The following IBA57 variants were observed in gnomAD, a reference collection of about 807,000 sequenced individuals.
The protein encoded by IBA57 is iron-sulfur cluster assembly factor IBA57, mitochondrial.
Under a neutral mutation model 20.4 loss-of-function variants are expected in IBA57, and 20 were observed. The ratio of observed to expected loss-of-function variants is 0.98; its 90% CI spans 0.69 to 1.42. The LOEUF (loss-of-function observed/expected upper bound fraction) is 1.42. Among genes scored for constraint, IBA57 ranks in the 40% most tolerant of loss-of-function variants. The pLI, the probability that IBA57 is intolerant of heterozygous loss-of-function variation, is 0.00. For missense variants in IBA57, 608 were observed against 499.3 expected, an observed-to-expected ratio of 1.22 and a Z score of -2.07; for synonymous variants, 310 against 233.9, an observed-to-expected ratio of 1.33 and a Z score of -2.97.
rs1490945906 is a variant in IBA57 at position 228,177,453 on chromosome 1, G to A, written c.*1940G>A. 6.7e-6 allele frequency: 1 copy of A among 148,494 alleles called. No homozygotes were observed. The highest frequency in any genetic ancestry group is 1.5e-5 in the Non-Finnish European group (1 of 67,382). 9.2% of individuals were successfully genotyped at this position (148,494 alleles called of 1,614,324 possible). A position where few individuals can be genotyped will look rare whatever the true frequency, so the allele number is the denominator to read the frequency against. On this transcript the variant is annotated 3_prime_UTR_variant, in exon 3 of 3. Transcript: ENST00000366711. ...TCAGGATCTCAAAATACTTGGTTCA[G>A]ATCAAACACATTTCGTGTTCTTCTG...
At chr1:228,167,890 C>T (rs1169527164) in intron 1 of IBA57, among the ~76,000 whole-genome samples, 1 of 152,206 alleles carries the variant, frequency 6.6e-6, no homozygotes, top group Non-Finnish European at 1.5e-5. Context: ...TTCTCTGGAG[C>T]CTTCTATGTT....
rs1264629357 is a variant in IBA57 at position 228,181,062 on chromosome 1, CAG to C, written c.*5550_*5551del. 2.8e-4 allele frequency: 42 copies of C among 152,126 alleles called. 1 individual carries two copies. The highest frequency in any genetic ancestry group is 2.7e-3 in the Admixed American group (41 of 15,266). 9.4% of individuals were successfully genotyped at this position (152,126 alleles called of 1,614,324 possible). A position where few individuals can be genotyped will look rare whatever the true frequency, so the allele number is the denominator to read the frequency against. On this transcript the variant is annotated 3_prime_UTR_variant, in exon 3 of 3. Coordinates refer to ENST00000366711, the MANE Select transcript of IBA57 (RefSeq NM_001010867.4). ...TGTTGAAATTGAATTGCCATTCTAACAGTGTTAAGAGATGGGGCCTGTAAGAG... is the reference window on the plus strand; with the variant it reads ...TGTTGAAATTGAATTGCCATTCTAACTGTTAAGAGATGGGGCCTGTAAGAG...
rs1286410438 is a variant in IBA57, at chr1:228,174,934, G to C, written c.584G>C (p.Gly195Ala). The change falls in exon 2 of 3, where the codon GGG becomes GCG. Residue 195 changes from glycine to alanine, a missense_variant. Physicochemically the swap from Gly to Ala is moderately conservative, Grantham distance 60 (BLOSUM62 0). Coordinates refer to ENST00000366711, the MANE Select transcript of IBA57 (RefSeq NM_001010867.4). ...LIRDPRTARM[G>A]WRLLTQDEGP... ...CGCGACCCGCGAACAGCACGCATGGGGTGGCGGCTCCTCACCCAGGATGAA... is the reference window on the plus strand; with the variant it reads ...CGCGACCCGCGAACAGCACGCATGGCGTGGCGGCTCCTCACCCAGGATGAA... The C allele has an allele frequency of 1.3e-6, 2 of 1,582,520 alleles. No individual in the cohort carries two copies. Among genetic ancestry groups the C allele is most frequent in the Non-Finnish European group, 1.7e-6 (2 of 1,161,472 alleles).
chr1:228,166,197 AG>A, intron 1 of IBA57, 40 bp downstream of exon 1: 2 of 1,086,586 alleles, frequency 1.8e-6, no homozygotes, highest in Non-Finnish European at 2.3e-6. Context: ...GCGGGCACCC[AG>A]GGGAGTGGCC....
chr1:228,174,870 T>A lies in IBA57; in HGVS notation c.520T>A (p.Ser174Thr). 3.1e-6 allele frequency: 5 copies of A among 1,609,794 alleles called. No individual in the cohort carries two copies. The highest frequency in any genetic ancestry group is 3.4e-6 in the Non-Finnish European group (4 of 1,179,138). ...PSSPEACGAA[S>T]LQERAGAAAI... ...TTCCCCTGAGGCCTGCGGGGCTGCA[T>A]CGCTGCAGGAGAGGGCAGGGGCTGC... is the stretch of plus-strand genomic sequence containing the variant. The change falls in exon 2 of 3, where the codon TCG becomes ACG. Residue 174 changes from serine (S) to threonine (T), a missense_variant. Transcript: ENST00000366711.
chr1:228,169,995 T>G (rs2034900971), intron 1 of IBA57, among the ~76,000 whole-genome samples: 1 of 151,928 alleles, frequency 6.6e-6, no homozygotes, highest in East Asian at 1.9e-4. Flanking sequence ...GCCTCCTGAG[T>G]AGCTGGGATT....
chr1:228,175,553 G>T lies in IBA57; in HGVS notation c.*40G>T. On this transcript the variant is annotated 3_prime_UTR_variant, in exon 3 of 3. Coordinates refer to ENST00000366711, the MANE Select transcript of IBA57 (RefSeq NM_001010867.4). ...TGGCGCAGGCTGATGGGGAGGCTGG[G>T]GCCTGGGGCCTTTGGCCTCTGTCCA... The T allele has an allele frequency of 1.3e-6, 2 of 1,520,984 alleles. No homozygotes were observed. Among genetic ancestry groups the T allele is most frequent in the Non-Finnish European group, 1.8e-6 (2 of 1,135,542 alleles). 94.2% of individuals were successfully genotyped at this position (1,520,984 alleles called of 1,614,324 possible).
rs1313192757 is a variant in IBA57 at position 228,177,708 on chromosome 1, C to T, written c.*2195C>T. 4 of 152,120 alleles carry T rather than the reference C, an allele frequency of 2.6e-5. No individual in the cohort carries two copies. The East Asian group carries it at 7.7e-4, about 29-fold the overall frequency. 9.4% of individuals were successfully genotyped at this position (152,120 alleles called of 1,614,324 possible). On this transcript the variant is annotated 3_prime_UTR_variant, in exon 3 of 3. Coordinates refer to ENST00000366711, the MANE Select transcript of IBA57 (RefSeq NM_001010867.4). ...TTTACCATGTTGGCCAGGATGGTCT[C>T]AATTACAGGCATGAGCCACTGTGCC...
Position 228,174,892 on chromosome 1 carries a change from CT to C in IBA57, c.543del (p.Ala182ProfsTer69). Reference protein sequence around the residue: ...GAASLQERAGAAAILIRDPRT... With the variant: ...GAASLQERAGXAAILIRDPRT... ...GCATCGCTGCAGGAGAGGGCAGGGG[CT>C]GCCGCCATCCTCATCCGCGACCCGC... is the stretch of plus-strand genomic sequence containing the variant. On this transcript the variant is annotated frameshift_variant, in exon 2 of 3. Transcript: ENST00000366711. LOFTEE classifies it high-confidence loss of function. The C allele has an allele frequency of 6.2e-7, 1 of 1,604,970 alleles. No individual in the cohort carries two copies. The highest frequency in any genetic ancestry group is 8.5e-7 in the Non-Finnish European group (1 of 1,176,176).
rs1284757222 is a variant in IBA57 at position 228,180,996 on chromosome 1, A to G, written c.*5483A>G. 1 of 151,960 alleles carries G rather than the reference A, an allele frequency of 6.6e-6. No homozygotes were observed. The highest frequency in any genetic ancestry group is 2.4e-5 in the African/African-American group (1 of 41,360). The allele number at this position is 151,960 out of a possible 1,614,324, so 9.4% of individuals were successfully genotyped here. On this transcript the variant is annotated 3_prime_UTR_variant, in exon 3 of 3. Coordinates refer to ENST00000366711, the MANE Select transcript of IBA57 (RefSeq NM_001010867.4). ...ATGCTGGTCTTCAACTCTTGTCCCCAAGTAGCTGGGATTGGGGCATGAGGC... is the reference window on the plus strand; with the variant it reads ...ATGCTGGTCTTCAACTCTTGTCCCCGAGTAGCTGGGATTGGGGCATGAGGC...
intron 1 of IBA57, among the ~76,000 whole-genome samples, chr1:228,168,168 A>T (rs1425253147): frequency 1.3e-5 from 2 of 152,176 alleles, no homozygotes; most frequent in African/African-American, 2.4e-5. Flanking sequence ...CCTACTCAAC[A>T]TGGAGACCAT....
chr1:228,168,161 A>G (rs2034877738), intron 1 of IBA57, among the ~76,000 whole-genome samples: 1 of 151,982 alleles, frequency 6.6e-6, no homozygotes, highest in Non-Finnish European at 1.5e-5. Context: ...TCCTCAGCCT[A>G]CTCAACATGG....
Position 228,167,203 on chromosome 1 carries a change from C to T in IBA57, c.341+1046C>T, listed in dbSNP as rs376950121. The stretch of plus-strand genomic sequence containing the variant: ...GATGTGTCTTAGTTTGGGCTTTTTC[C>T]ATATCACATCTCTGGGCACTTAGTG... On this transcript the variant is annotated intron_variant, in intron 1 of 2. Coordinates refer to ENST00000366711, the MANE Select transcript of IBA57 (RefSeq NM_001010867.4). Among the ~76,000 whole-genome samples the T allele has an allele frequency of 5.5e-4, 83 of 152,242 alleles. 1 individual carries two copies. The South Asian group carries it at 0.017, about 30-fold the overall frequency.
At chr1:228,173,399 G>GGCC (rs1553264435) in intron 1 of IBA57, 2 of 39,074 alleles carry the variant, frequency 5.1e-5, no homozygotes, top group Non-Finnish European at 5.8e-5. Context: ...TCCACTTAGT[G>GGCC]CCCCCCCCCC....
rs1553264340 is a variant in IBA57 at position 228,172,096 on chromosome 1, GTTT to G, written c.342-2592_342-2590del. On this transcript the variant is annotated intron_variant, in intron 1 of 2. Coordinates refer to ENST00000366711, the MANE Select transcript of IBA57 (RefSeq NM_001010867.4). ...TTTTTTTTTTGTTGTTGTTGTTGTT[GTTT>G]TTTCACTTCTTATTTTGAAATAATT... is the stretch of plus-strand genomic sequence containing the variant. 5 of 105,558 alleles carry G rather than the reference GTTT, an allele frequency of 4.7e-5. No homozygotes were observed. In the East Asian group the frequency reaches 1.3e-3, roughly 27 times the overall value. 6.5% of individuals were successfully genotyped at this position (105,558 alleles called of 1,614,324 possible). A position where few individuals can be genotyped will look rare whatever the true frequency, so the allele number is the denominator to read the frequency against.
rs1281738860 is a variant in IBA57, at chr1:228,178,401, A to G, written c.*2888A>G. On this transcript the variant is annotated 3_prime_UTR_variant, in exon 3 of 3. Transcript: ENST00000366711. Reference sequence around the variant, plus strand: ...AGTTTGAGAGCAGCCTGGGCAACATATCAAGACTCTGTCTCTTAAAAAAAA... The same window carrying G: ...AGTTTGAGAGCAGCCTGGGCAACATGTCAAGACTCTGTCTCTTAAAAAAAA... 6.6e-6 allele frequency: 1 copy of G among 150,442 alleles called. No individual in the cohort carries two copies. The highest frequency in any genetic ancestry group is 1.5e-5 in the Non-Finnish European group (1 of 67,634). 9.3% of individuals were successfully genotyped at this position (150,442 alleles called of 1,614,324 possible).
Position 228,175,692 on chromosome 1 carries a change from C to T in IBA57, c.*179C>T. The T allele has an allele frequency of 1.4e-6, 1 of 700,404 alleles. No individual in the cohort carries two copies. Among genetic ancestry groups the T allele is most frequent in the East Asian group, 3.0e-5 (1 of 33,096 alleles). The allele number at this position is 700,404 out of a possible 1,614,324, so 43.4% of individuals were successfully genotyped here. ...TGGCCCCACCCATGCTCAGGGGCCC[C>T]AGGCACGTGGGTTGTTTTCTCCCTG... is the stretch of plus-strand genomic sequence containing the variant. On this transcript the variant is annotated 3_prime_UTR_variant, in exon 3 of 3. Coordinates refer to ENST00000366711, the MANE Select transcript of IBA57 (RefSeq NM_001010867.4).
rs1558126434 is a variant in IBA57 at position 228,175,191 on chromosome 1, T to A, written c.749T>A (p.Met250Lys). ...CCCCTGGAGTCCAACCTGGCCTTCA[T>A]GAACGGCGTGAGCTTCACCAAAGGC... Reference protein sequence around the residue: ...ALPLESNLAFMNGVSFTKGCY... With the variant: ...ALPLESNLAFKNGVSFTKGCY... The change falls in exon 3 of 3, where the codon ATG (methionine) becomes AAG (lysine). Residue 250 changes from methionine (M) to lysine (K), a missense_variant. By Grantham distance (95) the Met-to-Lys change is moderately conservative. Transcript: ENST00000366711. 2 of 1,612,888 alleles carry A rather than the reference T, an allele frequency of 1.2e-6. No homozygotes were observed. Among genetic ancestry groups the A allele is most frequent in the Non-Finnish European group, 1.7e-6 (2 of 1,179,952 alleles).
chr1:228,174,752 C>T lies in IBA57; in HGVS notation c.402C>T (p.Gly134=), dbSNP rs1359399017. The T allele has an allele frequency of 2.5e-6, 4 of 1,604,620 alleles. No individual in the cohort carries two copies. Among genetic ancestry groups the T allele is most frequent in the Non-Finnish European group, 2.5e-6 (3 of 1,177,842 alleles). Residue 134 remains glycine, a synonymous_variant, in exon 2 of 3, where the codon GGC becomes GGT. Coordinates refer to ENST00000366711, the MANE Select transcript of IBA57 (RefSeq NM_001010867.4). ...TGGAGTGTGACAGCTCGGTGCAGGG[C>T]GCGCTGCAGAAGCACCTCGCGCTAT... The part of the protein sequence containing the change: ...FLLECDSSVQ[G]ALQKHLALYR...
Sources: allele counts gnomAD v4.1 joint callset (sites outside exome capture counted in the v4.1 genomes callset), GRCh38; gene constraint gnomAD v4.1.1; transcripts MANE v1.5; gene names NCBI Gene and HGNC (gene_info 2026-07-23, HGNC 2026-07-21).